Variants in SGCZ observed in about 807,000 individuals in gnomAD.
SGCZ encodes zeta-sarcoglycan.
Under a neutral mutation model 41.3 loss-of-function variants are expected in SGCZ, and 40 were observed. The observed-to-expected ratio is 0.97, with a 90% CI of 0.75 to 1.26. SGCZ has a LOEUF of 1.26. SGCZ is among the 50% of genes most tolerant of loss of function. The probability of loss-of-function intolerance (pLI) is 0.00; values close to 1 mark genes in which losing one functional copy is unlikely to be tolerated. For missense variants in SGCZ, 552 were observed against 369.8 expected, an observed-to-expected ratio of 1.49 and a Z score of -4.04; for synonymous variants, 206 against 137.5, an observed-to-expected ratio of 1.50 and a Z score of -3.49.
chr8:15,202,633 C>T (rs1206418386), intron 1 of SGCZ, among the ~76,000 whole-genome samples: 1 of 151,526 alleles, frequency 6.6e-6, no homozygotes, highest in East Asian at 1.9e-4. Flanking sequence ...CAACCTGTTC[C>T]CCAAAAACCT....
chr8:14,836,452 C>T (rs1802706043), intron 1 of SGCZ, among the ~76,000 whole-genome samples: 1 of 152,102 alleles, frequency 6.6e-6, no homozygotes, highest in African/African-American at 2.4e-5. Context: ...CCTGGTATCC[C>T]GCTTTCTAGT....
intron 1 of SGCZ, among the ~76,000 whole-genome samples, chr8:15,065,386 C>G (rs17609019): frequency 0.083 from 12,464 of 150,818 alleles, 716 homozygotes; most frequent in East Asian, 0.28. Context: ...GCTATTATAT[C>G]TATGGCATCA....
Position 14,770,007 on chromosome 8 carries a change from G to A in SGCZ, c.40-215081C>T, listed in dbSNP as rs185561023. Among the ~76,000 whole-genome samples the A allele has an allele frequency of 2.6e-3, 397 of 151,646 alleles. 4 individuals carry two copies. Among genetic ancestry groups the A allele is most frequent in the African/African-American group, 8.6e-3 (354 of 41,362 alleles). On this transcript the variant is annotated intron_variant, in intron 1 of 7. Coordinates refer to ENST00000382080, the MANE Select transcript of SGCZ (RefSeq NM_139167.4). ...CACTCGTGGTTCCTGAATATACCATGCTCCCTTGTGTCTTCATAACTTTGC... is the reference window on the plus strand; with the variant it reads ...CACTCGTGGTTCCTGAATATACCATACTCCCTTGTGTCTTCATAACTTTGC...
At chr8:14,651,399 A>G (rs10503504) in intron 1 of SGCZ, among the ~76,000 whole-genome samples, 31,326 of 152,024 alleles carry the variant, frequency 0.21, 3,680 homozygotes, top group South Asian at 0.35. Flanking sequence ...AAATGATAGA[A>G]GATACAACGG....
Position 14,668,800 on chromosome 8 carries a change from A to T in SGCZ, c.40-113874T>A, listed in dbSNP as rs187410318. On this transcript the variant is annotated intron_variant, in intron 1 of 7. Coordinates refer to ENST00000382080, the MANE Select transcript of SGCZ (RefSeq NM_139167.4). ...TGCATTATGTCTTTATTTTATTTTT[A>T]AAAAATTTGACAAACATATATTTAA... 5.9e-3 allele frequency among the ~76,000 whole-genome samples: 905 copies of T among 152,260 alleles called. 10 individuals carry two copies. Among genetic ancestry groups the T allele is most frequent in the Middle Eastern group, 0.02 (6 of 294 alleles).
intron 3 of SGCZ, among the ~76,000 whole-genome samples, chr8:14,287,653 A>G (rs1800687344): frequency 6.6e-6 from 1 of 152,162 alleles, no homozygotes; most frequent in Non-Finnish European, 1.5e-5. Flanking sequence ...TTTTATATCT[A>G]TATGACAGTC....
intron 1 of SGCZ, among the ~76,000 whole-genome samples, chr8:14,876,008 G>T (rs978709617): frequency 6.6e-6 from 1 of 152,108 alleles, no homozygotes; most frequent in Non-Finnish European, 1.5e-5. Context: ...GGGAACTCTG[G>T]TAATTAACAA....
chr8:14,127,653 T>C (rs1802904719), intron 5 of SGCZ, among the ~76,000 whole-genome samples: 2 of 152,124 alleles, frequency 1.3e-5, no homozygotes, highest in Non-Finnish European at 2.9e-5. Flanking sequence ...AGACATGGTT[T>C]CACCGTGTTA....
At chr8:14,307,122 G>A (rs1256721064) in intron 3 of SGCZ, among the ~76,000 whole-genome samples, 3 of 152,160 alleles carry the variant, frequency 2.0e-5, no homozygotes, top group Admixed American at 2.0e-4. Context: ...TAACTTAAGT[G>A]ATCATAACAA....
chr8:14,245,182 G>T (rs1161934766), intron 3 of SGCZ, among the ~76,000 whole-genome samples: 2 of 152,160 alleles, frequency 1.3e-5, no homozygotes, highest in African/African-American at 4.8e-5. Context: ...AGTTTTCAAA[G>T]GGAATGCTTC....
At chr8:14,933,854 A>C (rs975645587) in intron 1 of SGCZ, among the ~76,000 whole-genome samples, 1 of 152,022 alleles carries the variant, frequency 6.6e-6, no homozygotes, top group African/African-American at 2.4e-5. Context: ...CCAATTGTTA[A>C]ATATTTTGAT....
chr8:14,164,533 A>G, intron 5 of SGCZ, 47 bp downstream of exon 5: 1 of 1,608,758 alleles, frequency 6.2e-7, no homozygotes, highest in Non-Finnish European at 8.5e-7. Context: ...GCAGTTGTAT[A>G]TTCTTTAAAG....
chr8:14,210,953 G>T (rs1805784988), intron 4 of SGCZ, among the ~76,000 whole-genome samples: 2 of 152,006 alleles, frequency 1.3e-5, no homozygotes, highest in African/African-American at 4.8e-5. Flanking sequence ...GATTGCATTT[G>T]GCAAGACTCT....
intron 1 of SGCZ, among the ~76,000 whole-genome samples, chr8:15,211,024 T>G (rs1462656138): frequency 1.0e-5 from 1 of 97,618 alleles, no homozygotes; most frequent in Admixed American, 1.1e-4. Context: ...TATATAGATA[T>G]ATACATATAT....
chr8:14,519,217 G>C (rs1047098529), intron 2 of SGCZ, among the ~76,000 whole-genome samples: 6 of 151,906 alleles, frequency 3.9e-5, no homozygotes, highest in African/African-American at 1.5e-4. Context: ...TTTGATTCTT[G>C]CTGCTCTGGA....
intron 4 of SGCZ, among the ~76,000 whole-genome samples, chr8:14,218,311 T>TA (rs1806071466): frequency 6.6e-6 from 1 of 152,148 alleles, no homozygotes; most frequent in African/African-American, 2.4e-5. Context: ...AATGAAATGT[T>TA]AAAAGGTATA....
At chr8:14,291,113 A>T (rs1234492211) in intron 3 of SGCZ, among the ~76,000 whole-genome samples, 1 of 152,118 alleles carries the variant, frequency 6.6e-6, no homozygotes, top group African/African-American at 2.4e-5. Context: ...TGGAATCTAA[A>T]AAGTTTTTAT....
At chr8:14,170,707 A>C (rs891953583) in intron 4 of SGCZ, among the ~76,000 whole-genome samples, 1 of 152,168 alleles carries the variant, frequency 6.6e-6, no homozygotes, top group Non-Finnish European at 1.5e-5. Flanking sequence ...AACTGTAGCT[A>C]GAACAAAGTT....
At chr8:15,077,119 C>G (rs989497879) in intron 1 of SGCZ, among the ~76,000 whole-genome samples, 9 of 152,066 alleles carry the variant, frequency 5.9e-5, no homozygotes, top group African/African-American at 2.2e-4. Flanking sequence ...GAAGTGGATT[C>G]TTTTTTTCAT....
Sources: allele counts gnomAD v4.1 joint callset (sites outside exome capture counted in the v4.1 genomes callset), GRCh38; gene constraint gnomAD v4.1.1; transcripts MANE v1.5; gene names NCBI Gene and HGNC (gene_info 2026-07-23, HGNC 2026-07-21).